The following SPAG7 variants were observed in gnomAD, a reference collection of about 807,000 sequenced individuals.
The protein encoded by SPAG7 is sperm-associated antigen 7.
Under a neutral mutation model 30.6 loss-of-function variants are expected in SPAG7, and 20 were observed. The ratio of observed to expected loss-of-function variants is 0.65; its 90% CI spans 0.46 to 0.95. The LOEUF (loss-of-function observed/expected upper bound fraction) is 0.95, where lower values mean the gene tolerates loss of function less well. SPAG7 is among the 40% of genes least tolerant of loss of function. The pLI is 0.00. For synonymous variants in SPAG7, 127 were observed against 104.2 expected, an observed-to-expected ratio of 1.22 and a Z score of -1.33; for missense variants, 276 against 291.1, an observed-to-expected ratio of 0.95 and a Z score of 0.38.
rs769532271 is a variant in SPAG7, at chr17:4,967,774, A to T, written c.31T>A (p.Ser11Thr). The T allele has an allele frequency of 5.6e-6, 9 of 1,613,798 alleles. No homozygotes were observed. The highest frequency in any genetic ancestry group is 7.6e-6 in the Non-Finnish European group (9 of 1,179,920). The change falls in exon 1 of 7, where the codon TCC becomes ACC. Residue 11 changes from serine (S) to threonine (T), a missense_variant. Coordinates refer to ENST00000206020, the MANE Select transcript of SPAG7 (RefSeq NM_004890.3). MADLLGSILS[S>T]MEKPPSLGDQ... ...CCGAGGCTGGGTGGCTTCTCCATGG[A>T]GCTCAGGATGGAGCCCAGTAGGTCC...
At chr17:4,967,216 A>G in intron 1 of SPAG7, 1 of 990,830 alleles carries the variant, frequency 1.0e-6, no homozygotes, top group Non-Finnish European at 1.2e-6. Context: ...ATTAAGCAGG[A>G]GGGGCAAGAA....
At position 4,960,055 on chromosome 17, in the gene SPAG7, G is replaced by T; in HGVS notation, c.384C>A (p.Asp128Glu). Residue 128 changes from aspartate to glutamate, a missense_variant, in exon 5 of 7, where the codon GAC (aspartate) becomes GAA (glutamate). Transcript: ENST00000206020. ...TCCGCTTCTCCTCAGCCTTCTGGGG[G>T]TCCCATTCCTCTCCACGACGGTAAG... ...LDSYRRGEEWDPQKAEEKRKL... is the reference protein window; with the variant it reads ...LDSYRRGEEWEPQKAEEKRKL... 6.2e-7 allele frequency: 1 copy of T among 1,614,126 alleles called. No homozygotes were observed. Among genetic ancestry groups the T allele is most frequent in the South Asian group, 1.1e-5 (1 of 91,088 alleles).
chr17:4,967,296 C>T (rs1227601814), intron 1 of SPAG7: 3 of 915,932 alleles, frequency 3.3e-6, no homozygotes, highest in Non-Finnish European at 2.7e-6. Flanking sequence ...TCGAACAGGC[C>T]TGAGGAGGCA....
intron 1 of SPAG7, among the ~76,000 whole-genome samples, chr17:4,961,714 G>C (rs1313800156): frequency 7.0e-6 from 1 of 143,474 alleles, no homozygotes; most frequent in Non-Finnish European, 1.5e-5. Context: ...GCAGTGAGCA[G>C]AGATGGCGCC....
Position 4,966,883 on chromosome 17 carries a change from T to C in SPAG7, c.85+837A>G, listed in dbSNP as rs182571158. The C allele has an allele frequency of 7.4e-4, 731 of 985,488 alleles. 2 individuals carry two copies. In the African/African-American group the frequency reaches 0.011, roughly 15 times the overall value. 61.0% of individuals were successfully genotyped at this position (985,488 alleles called of 1,614,324 possible). On this transcript the variant is annotated intron_variant, in intron 1 of 6. Transcript: ENST00000206020. The stretch of plus-strand genomic sequence containing the variant: ...GGTCCCCCTGGGGCACGTGGGGAGC[T>C]GGGACAGGGCTCGTCCGTGGTCAAG...
In SPAG7 at chr17:4,967,739, C is replaced by A. The variant is rs770443620; in HGVS notation, c.66G>T (p.Glu22Asp). Residue 22 changes from glutamate (E) to aspartate (D), a missense_variant, in exon 1 of 7, where the codon GAG becomes GAT. Glu to Asp is a conservative substitution (Grantham distance 45). Coordinates refer to ENST00000206020, the MANE Select transcript of SPAG7 (RefSeq NM_004890.3). ...CCTCACCTCGGGCCTTGCGCCGAGTCTCCTGGTCACCGAGGCTGGGTGGCT... is the reference window on the plus strand; with the variant it reads ...CCTCACCTCGGGCCTTGCGCCGAGTATCCTGGTCACCGAGGCTGGGTGGCT... ...MEKPPSLGDQ[E>D]TRRKAREQAA... is the part of the protein sequence containing the mutation. 1 of 1,613,904 alleles carries A rather than the reference C, an allele frequency of 6.2e-7. No homozygotes were observed. The highest frequency in any genetic ancestry group is 1.3e-5 in the African/African-American group (1 of 74,924).
chr17:4,960,494 C>A lies in SPAG7; in HGVS notation c.207G>T (p.Lys69Asn). 6.2e-7 allele frequency: 1 copy of A among 1,601,744 alleles called. No homozygotes were observed. The highest frequency in any genetic ancestry group is 8.5e-7 in the Non-Finnish European group (1 of 1,176,604). Residue 69 changes from lysine (K) to asparagine (N), a missense_variant, in exon 3 of 7, where the codon AAG (lysine) becomes AAT (asparagine). Physicochemically the swap from Lys to Asn is moderately conservative, Grantham distance 94. Coordinates refer to ENST00000206020, the MANE Select transcript of SPAG7 (RefSeq NM_004890.3). Reference sequence around the variant, plus strand: ...TCTCGATCTTGTTCATTGGCTGAAACTTTTTCTTGATCTGCCCACTGTCTT... The same window carrying A: ...TCTCGATCTTGTTCATTGGCTGAAAATTTTTCTTGATCTGCCCACTGTCTT... ...FIQDSGQIKK[K>N]FQPMNKIERS...
intron 1 of SPAG7, chr17:4,967,166 GA>G: frequency 2.0e-6 from 2 of 986,814 alleles, no homozygotes; most frequent in Admixed American, 6.1e-5. Context: ...CTACGGATGG[GA>G]AAAAGGTTGT....
At chr17:4,960,182 G>A in intron 4 of SPAG7, 52 bp downstream of exon 4, 1 of 1,600,530 alleles carries the variant, frequency 6.2e-7, no homozygotes, top group Non-Finnish European at 8.6e-7. Context: ...TCGGGGAGGG[G>A]GGATAAGGCT....
chr17:4,962,406 C>A (rs948321962), intron 1 of SPAG7, among the ~76,000 whole-genome samples: 1 of 152,158 alleles, frequency 6.6e-6, no homozygotes, highest in Non-Finnish European at 1.5e-5. Flanking sequence ...TGAGCCACTG[C>A]ACCCGGCCTA....
chr17:4,959,766 C>T lies in SPAG7; in HGVS notation c.568G>A (p.Gly190Ser), dbSNP rs1363981581. Residue 190 changes from glycine (G) to serine (S), a missense_variant, in exon 6 of 7, where the codon GGC becomes AGC. Transcript: ENST00000206020. ...AHMLQANKTY[G>S]CVPVANKRDT... ...AGCCGCACTGTGGCCTCACCACAGC[C>T]GTAGGTCTTATTGGCCTGTAGCATG... The T allele has an allele frequency of 6.2e-7, 1 of 1,614,182 alleles. No individual in the cohort carries two copies. The highest frequency in any genetic ancestry group is 8.5e-7 in the Non-Finnish European group (1 of 1,180,028).
intron 1 of SPAG7, among the ~76,000 whole-genome samples, chr17:4,962,146 C>G (rs1181354670): frequency 6.6e-6 from 1 of 151,596 alleles, no homozygotes; most frequent in East Asian, 1.9e-4. Context: ...TGGAGTTTCA[C>G]TCTGTCACCC....
At chr17:4,966,864 C>T in intron 1 of SPAG7, 1 of 985,508 alleles carries the variant, frequency 1.0e-6, no homozygotes, top group Non-Finnish European at 1.2e-6. Context: ...CTCTGGTCCC[C>T]CTGGGGCACG....
At chr17:4,961,368 A>G (rs1597711961) in intron 1 of SPAG7, among the ~76,000 whole-genome samples, 1 of 151,732 alleles carries the variant, frequency 6.6e-6, no homozygotes, top group East Asian at 1.9e-4. Flanking sequence ...GAGGCAGGAG[A>G]ATCGCTTGAA....
chr17:4,964,992 C>G (rs1306050866), intron 1 of SPAG7, among the ~76,000 whole-genome samples: 2 of 152,110 alleles, frequency 1.3e-5, no homozygotes, highest in African/African-American at 4.8e-5. Context: ...TCACTGCAAC[C>G]TCTGCCTCCC....
intron 1 of SPAG7, chr17:4,967,023 G>A: frequency 1.0e-6 from 1 of 985,738 alleles, no homozygotes; most frequent in Non-Finnish European, 1.2e-6. Flanking sequence ...TACGCCGGCC[G>A]CCGAACTCCA....
At chr17:4,961,393 A>C (rs1336369912) in intron 1 of SPAG7, among the ~76,000 whole-genome samples, 9 of 142,108 alleles carry the variant, frequency 6.3e-5, no homozygotes, top group East Asian at 4.3e-4. Context: ...GGAGGCAGAG[A>C]TTGCAGTGAG....
At chr17:4,960,657 C>T in intron 2 of SPAG7, 110 bp from the exon 3 acceptor site, 1 of 1,350,846 alleles carries the variant, frequency 7.4e-7, no homozygotes, top group African/African-American at 1.4e-5. Flanking sequence ...TCCCCAGCCT[C>T]CAAGCCACTG....
intron 2 of SPAG7, 113 bp from the exon 3 acceptor site, chr17:4,960,660 A>G: frequency 7.4e-7 from 1 of 1,352,602 alleles, no homozygotes; most frequent in South Asian, 1.2e-5. Flanking sequence ...CCAGCCTCCA[A>G]GCCACTGGCT....
Sources: allele counts gnomAD v4.1 joint callset (sites outside exome capture counted in the v4.1 genomes callset), GRCh38; gene constraint gnomAD v4.1.1; transcripts MANE v1.5; gene names NCBI Gene and HGNC (gene_info 2026-07-23, HGNC 2026-07-21).